SCCPDH: variants seen among roughly 807,000 people sequenced by gnomAD.
The protein encoded by SCCPDH is saccharopine dehydrogenase (putative).
A neutral mutation model predicts 51.5 loss-of-function variants in SCCPDH; 34 were observed. That is an observed-to-expected ratio of 0.66 (90% CI 0.50 to 0.88). SCCPDH has a LOEUF of 0.88. Among genes scored for constraint, SCCPDH ranks in the 40% least tolerant of loss-of-function variants. The probability of loss-of-function intolerance (pLI) is 0.00; values close to 1 mark genes in which losing one functional copy is unlikely to be tolerated. For synonymous variants in SCCPDH, 187 were observed against 191.3 expected (o/e 0.98, Z 0.19); for missense variants, 464 against 527.1 (o/e 0.88, Z 1.17).
At chr1:246,733,150 G>A (rs528664065) in intron 2 of SCCPDH, among the ~76,000 whole-genome samples, 2 of 152,036 alleles carry the variant, frequency 1.3e-5, no homozygotes, top group East Asian at 1.9e-4. Context: ...AGAGTGGCAC[G>A]AACACAGCTC....
At position 246,735,976 on chromosome 1, in the gene SCCPDH, A is replaced by T. The variant is rs1172892961; in HGVS notation, c.305A>T (p.Tyr102Phe). Residue 102 changes from tyrosine to phenylalanine, a missense_variant and splice_region_variant, in exon 3 of 12, where the codon TAT (tyrosine) becomes TTT (phenylalanine). Tyr to Phe is a conservative substitution (Grantham distance 22). Coordinates refer to ENST00000366510, the MANE Select transcript of SCCPDH (RefSeq NM_016002.3). ...ATVVLNCVGP[Y>F]RFYGEPVIKA... ...TCTTTGTTCTTTTTGTTTCCCTAGT[A>T]TCGGTTTTATGGAGAACCTGTAATA... 6.2e-7 allele frequency: 1 copy of T among 1,605,504 alleles called. No homozygotes were observed.
At position 246,747,167 on chromosome 1, in the gene SCCPDH, TCTTTTCTTCTG is replaced by T. The variant is rs1364529696; in HGVS notation, c.564+3051_564+3061del. Among the ~76,000 whole-genome samples, 13 of 152,332 alleles carry T rather than the reference TCTTTTCTTCTG, an allele frequency of 8.5e-5. No individual in the cohort carries two copies. In the East Asian group the frequency reaches 2.5e-3, roughly 29 times the overall value. ...TCTTGTTTCTCCCTTTTTGTCTCTT[TCTTTTCTTCTG>T]CTTTTCTTTATGTAGGCTCCGGACA... On this transcript the variant is annotated intron_variant, in intron 5 of 11. Coordinates refer to ENST00000366510, the MANE Select transcript of SCCPDH (RefSeq NM_016002.3).
At chr1:246,754,413 T>C (rs1246426863) in intron 5 of SCCPDH, among the ~76,000 whole-genome samples, 1 of 152,154 alleles carries the variant, frequency 6.6e-6, no homozygotes, top group Non-Finnish European at 1.5e-5. Context: ...AGAATGGGAA[T>C]CCCGGGCGGG....
chr1:246,748,301 C>T (rs1668793151), intron 5 of SCCPDH, among the ~76,000 whole-genome samples: 1 of 152,110 alleles, frequency 6.6e-6, no homozygotes, highest in South Asian at 2.1e-4. Flanking sequence ...TTCCATTTAC[C>T]AAACCACCTT....
At chr1:246,766,626 G>C (rs956098064) in intron 11 of SCCPDH, among the ~76,000 whole-genome samples, 2 of 152,240 alleles carry the variant, frequency 1.3e-5, no homozygotes, top group African/African-American at 2.4e-5. Flanking sequence ...CAAATGAGCA[G>C]AGGCCTGCTG....
chr1:246,759,451 ACT>A (rs1315873100), intron 7 of SCCPDH, among the ~76,000 whole-genome samples: 1 of 151,852 alleles, frequency 6.6e-6, no homozygotes, highest in Non-Finnish European at 1.5e-5. Context: ...GTTGCTAGAA[ACT>A]CTTTTGCTTG....
At chr1:246,731,941 C>A (rs892795586) in intron 2 of SCCPDH, among the ~76,000 whole-genome samples, 1 of 151,788 alleles carries the variant, frequency 6.6e-6, no homozygotes, top group African/African-American at 2.4e-5. Context: ...TCAGTTCCCA[C>A]CTGTGAGTGA....
intron 5 of SCCPDH, among the ~76,000 whole-genome samples, chr1:246,749,690 C>G (rs917928732): frequency 2.0e-5 from 3 of 152,178 alleles, no homozygotes; most frequent in African/African-American, 7.2e-5. Context: ...TTTTATAGAG[C>G]ATCGGACAAA....
intron 5 of SCCPDH, chr1:246,755,454 TTTTTC>T (rs1483987528): frequency 6.6e-6 from 1 of 152,254 alleles, no homozygotes; most frequent in African/African-American, 2.4e-5. Context: ...TTTCCTATCA[TTTTTC>T]TTTTCTTTTT....
rs202018213 is a variant in SCCPDH, at chr1:246,726,888, T to G, written c.191-4T>G. 5.2e-5 allele frequency: 84 copies of G among 1,602,376 alleles called. No individual in the cohort carries two copies. The East Asian group carries it at 1.7e-3, about 31-fold the overall frequency. On this transcript the variant is annotated splice_region_variant and splice_polypyrimidine_tract_variant and intron_variant, in intron 1 of 11. Transcript: ENST00000366510. ...TACTTTCCTTCATTTGTTTCTTATT[T>G]TAGGAAGACCAACACTGTCATCTGA...
intron 5 of SCCPDH, among the ~76,000 whole-genome samples, chr1:246,749,427 AG>A (rs949948495): frequency 2.0e-4 from 31 of 152,140 alleles, no homozygotes; most frequent in African/African-American, 7.5e-4. Flanking sequence ...ACGAGGGAGA[AG>A]GGGGTGCAGG....
chr1:246,751,917 C>A (rs1668856286), intron 5 of SCCPDH, among the ~76,000 whole-genome samples: 1 of 150,516 alleles, frequency 6.6e-6, no homozygotes. Context: ...GGGCTACAGG[C>A]TCCCGCCACC....
Position 246,758,361 on chromosome 1 carries a change from A to G in SCCPDH, c.695+5A>G, listed in dbSNP as rs1161594806. The G allele has an allele frequency of 6.3e-7, 1 of 1,595,778 alleles. No homozygotes were observed. The highest frequency in any genetic ancestry group is 8.5e-7 in the Non-Finnish European group (1 of 1,172,822). On this transcript the variant is annotated splice_donor_5th_base_variant and intron_variant, in intron 6 of 11. Coordinates refer to ENST00000366510, the MANE Select transcript of SCCPDH (RefSeq NM_016002.3). The stretch of plus-strand genomic sequence containing the variant: ...TGGTCCAAAATTGAAGAGAAGGTAA[A>G]TTAACTTAAAATCCATTTTTTATAT...
At chr1:246,737,255 C>A (rs115908565) in intron 3 of SCCPDH, among the ~76,000 whole-genome samples, 7 of 146,074 alleles carry the variant, frequency 4.8e-5, no homozygotes, top group African/African-American at 1.7e-4. Flanking sequence ...AAAGCCCAGG[C>A]GAGGTGGCTC....
chr1:246,734,713 AAG>A (rs1296839657), intron 2 of SCCPDH, among the ~76,000 whole-genome samples: 4 of 151,974 alleles, frequency 2.6e-5, no homozygotes, highest in Non-Finnish European at 5.9e-5. Flanking sequence ...GGCTGGAAGA[AAG>A]AAACGATTTC....
At chr1:246,764,051 G>A (rs979425366) in intron 9 of SCCPDH, among the ~76,000 whole-genome samples, 195 bp from the exon 10 acceptor site, 5 of 150,962 alleles carry the variant, frequency 3.3e-5, no homozygotes, top group African/African-American at 4.9e-5. Flanking sequence ...CCAACATCAC[G>A]CCAGTCTTCA....
At chr1:246,747,413 C>T (rs747864955) in intron 5 of SCCPDH, among the ~76,000 whole-genome samples, 27 of 152,126 alleles carry the variant, frequency 1.8e-4, no homozygotes, top group Admixed American at 6.5e-4. Flanking sequence ...AGGCTGGGCA[C>T]GGTGGCTCAT....
chr1:246,757,021 A>G (rs928161973), intron 5 of SCCPDH, among the ~76,000 whole-genome samples: 3 of 152,194 alleles, frequency 2.0e-5, no homozygotes, highest in African/African-American at 7.2e-5. Flanking sequence ...ATAGAGAATT[A>G]AAAGGCCCAC....
chr1:246,740,363 C>G (rs1668659242), intron 4 of SCCPDH, 62 bp downstream of exon 4: 10 of 1,386,538 alleles, frequency 7.2e-6, no homozygotes, highest in Non-Finnish European at 9.7e-6. Context: ...CTTCATGTTT[C>G]TAACTGTGGT....
Sources: gnomAD v4.1 joint callset for allele counts (sites outside exome capture counted in the v4.1 genomes callset) on GRCh38, gnomAD v4.1.1 for gene constraint, MANE v1.5 for transcripts, NCBI Gene and HGNC (gene_info 2026-07-23, HGNC 2026-07-21) for gene names.